The following CFAP58 variants were observed in gnomAD, a reference collection of about 807,000 sequenced individuals.
CFAP58 encodes the protein cilia- and flagella-associated protein 58.
CFAP58 carries 88 observed loss-of-function variants against 119.5 expected under a neutral mutation model. The ratio of observed to expected loss-of-function variants is 0.74; its 90% CI spans 0.62 to 0.88. The LOEUF (loss-of-function observed/expected upper bound fraction) is 0.88. CFAP58 is among the 40% of genes least tolerant of loss of function. The pLI is 0.00. For missense variants in CFAP58, 990 were observed against 1,021.2 expected, an observed-to-expected ratio of 0.97 and a Z score of 0.42; for synonymous variants, 365 against 366.3, an observed-to-expected ratio of 1.00 and a Z score of 0.04.
At chr10:104,370,497 G>A (rs748741779) in intron 6 of CFAP58, among the ~76,000 whole-genome samples, 17 of 152,114 alleles carry the variant, frequency 1.1e-4, no homozygotes, top group East Asian at 1.9e-4. Context: ...ATCAGATCTC[G>A]TGAGACTTAG....
At chr10:104,411,920 T>G (rs753001953) in intron 15 of CFAP58, among the ~76,000 whole-genome samples, 7 of 152,170 alleles carry the variant, frequency 4.6e-5, no homozygotes, top group Non-Finnish European at 8.8e-5. Context: ...TAACACCCAC[T>G]TCACACAGGC....
At chr10:104,405,705 C>A (rs2012346931) in intron 14 of CFAP58, among the ~76,000 whole-genome samples, 1 of 152,194 alleles carries the variant, frequency 6.6e-6, no homozygotes, top group Non-Finnish European at 1.5e-5. Context: ...TAGCAGAAGT[C>A]CACATCCTGG....
At chr10:104,403,609 A>G (rs954560491) in intron 13 of CFAP58, 120 bp from the exon 14 acceptor site, 1 of 523,760 alleles carries the variant, frequency 1.9e-6, no homozygotes, top group Admixed American at 2.9e-5. Flanking sequence ...CTGTGTTCAC[A>G]ATATTCTCCC....
chr10:104,429,260 A>T (rs554474685), intron 15 of CFAP58, among the ~76,000 whole-genome samples: 1 of 152,216 alleles, frequency 6.6e-6, no homozygotes, highest in East Asian at 1.9e-4. Context: ...AGAGCAATGA[A>T]ATCAGGCAGA....
At chr10:104,424,083 T>C (rs1218641703) in intron 15 of CFAP58, among the ~76,000 whole-genome samples, 7 of 152,206 alleles carry the variant, frequency 4.6e-5, no homozygotes, top group Non-Finnish European at 8.8e-5. Flanking sequence ...GATTTTATTA[T>C]CTTAAAGCAG....
intron 15 of CFAP58, among the ~76,000 whole-genome samples, chr10:104,428,021 A>G (rs1313650743): frequency 6.6e-6 from 1 of 152,162 alleles, no homozygotes; most frequent in African/African-American, 2.4e-5. Context: ...GCACATGGAG[A>G]GGCTCTGTAT....
At chr10:104,345,205 T>C in the CFAP58 span, among the ~76,000 whole-genome samples, 162 of 152,222 alleles carry the variant, frequency 1.1e-3, 2 homozygotes, top group Non-Finnish European at 1.9e-3. Context: ...ATTTTATAGA[T>C]GCCTATCCTT....
chr10:104,359,305 G>T (rs183749004), intron 2 of CFAP58, among the ~76,000 whole-genome samples: 7 of 152,200 alleles, frequency 4.6e-5, no homozygotes, highest in Non-Finnish European at 8.8e-5. Flanking sequence ...AGTTGCCTTG[G>T]TATCATGCAA....
At chr10:104,422,017 C>T (rs1353300775) in intron 15 of CFAP58, among the ~76,000 whole-genome samples, 1 of 152,048 alleles carries the variant, frequency 6.6e-6, no homozygotes, top group African/African-American at 2.4e-5. Context: ...GAAACCCTGT[C>T]TCTACTAAAA....
chr10:104,357,868 C>T lies in CFAP58; in HGVS notation c.10-473C>T, dbSNP rs201594446. Among the ~76,000 whole-genome samples, 74 of 115,260 alleles carry T rather than the reference C, an allele frequency of 6.4e-4. 5 individuals carry two copies. Among genetic ancestry groups the T allele is most frequent in the African/African-American group, 2.6e-3 (70 of 27,312 alleles). 75.6% of individuals were successfully genotyped at this position (115,260 alleles called of 152,430 possible). ...ATGTACACATATATACACATATATACACATATATGTACACATATATAAACA... is the reference window on the plus strand; with the variant it reads ...ATGTACACATATATACACATATATATACATATATGTACACATATATAAACA... On this transcript the variant is annotated intron_variant, in intron 1 of 17. Transcript: ENST00000369704.
intron 15 of CFAP58, among the ~76,000 whole-genome samples, chr10:104,410,368 T>TG (rs2012441108): frequency 6.6e-6 from 1 of 152,248 alleles, no homozygotes; most frequent in Admixed American, 6.5e-5. Context: ...ATATCTCCAA[T>TG]TCCTTACTTC....
intron 15 of CFAP58, among the ~76,000 whole-genome samples, chr10:104,409,055 G>T (rs1347624217): frequency 1.3e-5 from 2 of 152,016 alleles, no homozygotes; most frequent in African/African-American, 4.8e-5. Context: ...AGCTGTGATT[G>T]TGCCACTGCA....
chr10:104,383,887 C>T (rs2011871471), intron 9 of CFAP58, among the ~76,000 whole-genome samples: 1 of 152,028 alleles, frequency 6.6e-6, no homozygotes, highest in African/African-American at 2.4e-5. Context: ...ACATTTTCTT[C>T]TACTTCTAAA....
chr10:104,410,022 T>G (rs2012436366), intron 15 of CFAP58, among the ~76,000 whole-genome samples: 2 of 152,186 alleles, frequency 1.3e-5, no homozygotes, highest in Admixed American at 1.3e-4. Context: ...TTACTACCTA[T>G]TCCCTTTTTA....
chr10:104,379,128 C>T (rs1452957017), intron 8 of CFAP58, among the ~76,000 whole-genome samples: 1 of 151,790 alleles, frequency 6.6e-6, no homozygotes, highest in Non-Finnish European at 1.5e-5. Context: ...ACAATCTCGT[C>T]CCCCCAGAAG....
intron 15 of CFAP58, among the ~76,000 whole-genome samples, chr10:104,427,446 T>A (rs1455961676): frequency 6.6e-6 from 1 of 152,160 alleles, no homozygotes; most frequent in Admixed American, 6.5e-5. Context: ...CAAAGCAATT[T>A]TATATATATT....
rs745405615 is a variant in CFAP58, at chr10:104,380,202, C to T, written c.1347C>T (p.Ala449=). The T allele has an allele frequency of 1.9e-6, 3 of 1,613,782 alleles. No homozygotes were observed. Among genetic ancestry groups the T allele is most frequent in the Admixed American group, 1.7e-5 (1 of 59,986 alleles). Residue 449 remains alanine, a synonymous_variant, in exon 9 of 18, where the codon GCC becomes GCT. Coordinates refer to ENST00000369704, the MANE Select transcript of CFAP58 (RefSeq NM_001008723.2). ...EKERDRYINQ[A]SDLTQKVLMN... ...AGCGTGACCGGTACATCAACCAAGC[C>T]AGTGACCTTACGCAAAAGGTAAGCT...
Position 104,357,932 on chromosome 10 carries a change from CACACATATATGT to C in CFAP58, c.10-398_10-387del, listed in dbSNP as rs1460808615. ...ATACACACATATATGTACACATATA[CACACATATATGT>C]ACACATATATACACATATATGTACA... On this transcript the variant is annotated intron_variant, in intron 1 of 17. Coordinates refer to ENST00000369704, the MANE Select transcript of CFAP58 (RefSeq NM_001008723.2). Among the ~76,000 whole-genome samples, 88 of 107,398 alleles carry C rather than the reference CACACATATATGT, an allele frequency of 8.2e-4. 2 individuals are homozygous for C. Among genetic ancestry groups the C allele is most frequent in the East Asian group, 4.9e-3 (20 of 4,098 alleles). The allele number at this position is 107,398 out of a possible 152,430, so 70.5% of individuals were successfully genotyped here.
chr10:104,450,562 T>C (rs1350534929), intron 17 of CFAP58, among the ~76,000 whole-genome samples: 1 of 152,208 alleles, frequency 6.6e-6, no homozygotes, highest in Non-Finnish European at 1.5e-5. Flanking sequence ...GTACAGCATA[T>C]TCACATTTAA....
Sources: gnomAD v4.1 joint callset for allele counts (sites outside exome capture counted in the v4.1 genomes callset) on GRCh38, gnomAD v4.1.1 for gene constraint, MANE v1.5 for transcripts, NCBI Gene and HGNC (gene_info 2026-07-23, HGNC 2026-07-21) for gene names.